Variants in ANO6 observed in about 807,000 individuals in gnomAD.
ANO6 encodes the protein anoctamin-6.
In ANO6, 106 loss-of-function variants were observed where a neutral mutation model predicts 117.5. The ratio of observed to expected loss-of-function variants is 0.90; its 90% CI spans 0.77 to 1.06. ANO6 has a LOEUF of 1.06. Ranked by LOEUF, ANO6 falls within the 50% of genes least tolerant of loss-of-function variation. The probability of loss-of-function intolerance (pLI) is 0.00; values close to 1 mark genes in which losing one functional copy is unlikely to be tolerated. For synonymous variants in ANO6, 367 were observed against 385.1 expected, an observed-to-expected ratio of 0.95 and a Z score of 0.55; for missense variants, 955 against 1,121.1, an observed-to-expected ratio of 0.85 and a Z score of 2.12.
At chr12:45,388,134 A>G (rs1311398349) in intron 10 of ANO6, 27 bp from the exon 11 acceptor site, 9 of 1,613,474 alleles carry the variant, frequency 5.6e-6, no homozygotes, top group Non-Finnish European at 7.6e-6. Flanking sequence ...TTGAAAATCC[A>G]CACAAGCTCT....
chr12:45,321,183 A>G (rs545783655), intron 2 of ANO6, among the ~76,000 whole-genome samples: 1 of 152,326 alleles, frequency 6.6e-6, no homozygotes, highest in Admixed American at 6.5e-5. Flanking sequence ...TTACATAGAC[A>G]GGTAGTCAGT....
chr12:45,433,774 A>G (rs1193706154), downstream of ANO6, among the ~76,000 whole-genome samples: 1 of 152,224 alleles, frequency 6.6e-6, no homozygotes, highest in Non-Finnish European at 1.5e-5. Flanking sequence ...TGAGGGGAGA[A>G]GGAGAACTGA....
At chr12:45,344,085 G>C (rs1464914697) in intron 3 of ANO6, among the ~76,000 whole-genome samples, 1 of 152,132 alleles carries the variant, frequency 6.6e-6, no homozygotes, top group African/African-American at 2.4e-5. Flanking sequence ...TGTCCATAAA[G>C]AATGACAGAT....
chr12:45,235,699 G>A (rs1947634885), intron 1 of ANO6, among the ~76,000 whole-genome samples: 2 of 152,156 alleles, frequency 1.3e-5, no homozygotes, highest in South Asian at 4.1e-4. Flanking sequence ...TGCAAAAACA[G>A]CTTCAAGAAA....
intron 2 of ANO6, among the ~76,000 whole-genome samples, chr12:45,324,984 C>T (rs1446102277): frequency 2.0e-5 from 3 of 152,078 alleles, no homozygotes; most frequent in South Asian, 2.1e-4. Flanking sequence ...ATTTGTGAGT[C>T]GTGACCAGTT....
At chr12:45,228,050 C>T (rs1472850265) in intron 1 of ANO6, 3 of 240,560 alleles carry the variant, frequency 1.2e-5, no homozygotes, top group Non-Finnish European at 2.5e-5. Flanking sequence ...CAATAAATGG[C>T]TCATGAATGT....
intron 7 of ANO6, among the ~76,000 whole-genome samples, chr12:45,353,140 A>G (rs1941325327): frequency 6.6e-6 from 1 of 152,206 alleles, no homozygotes; most frequent in African/African-American, 2.4e-5. Flanking sequence ...GAAGGTATAT[A>G]ATGTTCAGTT....
At chr12:45,277,668 T>C (rs553485462) in intron 1 of ANO6, among the ~76,000 whole-genome samples, 1 of 152,358 alleles carries the variant, frequency 6.6e-6, no homozygotes, top group East Asian at 1.9e-4. Context: ...CTTGTATTTT[T>C]CTCTGGCTTT....
rs2137634313 is a variant in ANO6 at position 45,403,186 on chromosome 12, T to C, written c.1727T>C (p.Phe576Ser). 6.2e-7 allele frequency: 1 copy of C among 1,614,024 alleles called. No individual in the cohort carries two copies. The part of the protein sequence containing the change: ...CFYIAFFKGK[F>S]VGYPGDPVYW... ...TACATAGCATTCTTTAAGGGCAAAT[T>C]TGTAGGCTATCCAGGAGACCCAGTT... Residue 576 changes from phenylalanine to serine, a missense_variant, in exon 14 of 20, where the codon TTT (phenylalanine) becomes TCT (serine). By Grantham distance (155) the Phe-to-Ser change is radical. Coordinates refer to ENST00000320560, the MANE Select transcript of ANO6 (RefSeq NM_001025356.3).
intron 1 of ANO6, among the ~76,000 whole-genome samples, chr12:45,246,613 A>G (rs1288002066): frequency 6.6e-6 from 1 of 152,190 alleles, no homozygotes; most frequent in East Asian, 1.9e-4. Context: ...TAGATTGTCA[A>G]ACACTTAATG....
intron 2 of ANO6, among the ~76,000 whole-genome samples, chr12:45,312,697 T>G (rs1939885287): frequency 6.6e-6 from 1 of 152,092 alleles, no homozygotes; most frequent in African/African-American, 2.4e-5. Flanking sequence ...CAGAAAACTC[T>G]TAATGGCTTC....
chr12:45,327,592 C>T (rs1013802897), intron 2 of ANO6, among the ~76,000 whole-genome samples: 1 of 152,082 alleles, frequency 6.6e-6, no homozygotes, highest in African/African-American at 2.4e-5. Context: ...GTAAAGCTTT[C>T]TATAAAGCTA....
At chr12:45,338,160 A>G (rs1940879670) in intron 3 of ANO6, among the ~76,000 whole-genome samples, 1 of 152,094 alleles carries the variant, frequency 6.6e-6, no homozygotes, top group South Asian at 2.1e-4. Flanking sequence ...GGATTTTATT[A>G]ATAACATAAT....
intron 1 of ANO6, among the ~76,000 whole-genome samples, chr12:45,245,615 C>T (rs894872778): frequency 2.0e-5 from 3 of 151,880 alleles, no homozygotes; most frequent in African/African-American, 7.3e-5. Flanking sequence ...ATTAGAATGC[C>T]TGAATTAAAA....
chr12:45,412,806 G>A (rs190572174), intron 16 of ANO6, among the ~76,000 whole-genome samples: 16 of 152,318 alleles, frequency 1.1e-4, no homozygotes, highest in East Asian at 7.7e-4. Flanking sequence ...CTCCCCTCAC[G>A]GAGCTCAGCG....
chr12:45,335,232 A>T (rs908563798), intron 3 of ANO6, among the ~76,000 whole-genome samples: 13 of 152,000 alleles, frequency 8.6e-5, no homozygotes, highest in Non-Finnish European at 1.8e-4. Context: ...GAATTTTTTT[A>T]AAATTAGTGA....
At chr12:45,398,467 T>C (rs1942690846) in intron 12 of ANO6, among the ~76,000 whole-genome samples, 1 of 152,210 alleles carries the variant, frequency 6.6e-6, no homozygotes, top group African/African-American at 2.4e-5. Context: ...GCTTAGCAAT[T>C]GTGTTTCAAG....
At chr12:45,417,408 C>T (rs34031195) in intron 17 of ANO6, among the ~76,000 whole-genome samples, 21,370 of 152,070 alleles carry the variant, frequency 0.14, 2,197 homozygotes, top group East Asian at 0.35. Context: ...AGAGCAGCAG[C>T]TCTTAAAGGA....
rs4578456 is a variant in ANO6 at position 45,350,845 on chromosome 12, A to G, written c.863+71A>G. The stretch of plus-strand genomic sequence containing the variant: ...TACCCCCACAGCATCTGAATGTGAC[A>G]GTACTCATCAAGACTCTTGCCAGTG... On this transcript the variant is annotated intron_variant, in intron 7 of 19. Coordinates refer to ENST00000320560, the MANE Select transcript of ANO6 (RefSeq NM_001025356.3). 9.2e-4 allele frequency: 1,170 copies of G among 1,273,318 alleles called. 7 individuals carry two copies. The African/African-American group carries it at 0.015, about 17-fold the overall frequency. 78.9% of individuals were successfully genotyped at this position (1,273,318 alleles called of 1,614,324 possible). A position where few individuals can be genotyped will look rare whatever the true frequency, so the allele number is the denominator to read the frequency against.
Sources: allele counts gnomAD v4.1 joint callset (sites outside exome capture counted in the v4.1 genomes callset), GRCh38; gene constraint gnomAD v4.1.1; transcripts MANE v1.5; gene names NCBI Gene and HGNC (gene_info 2026-07-23, HGNC 2026-07-21).